TNFRSF21: variants seen among roughly 807,000 people sequenced by gnomAD.
TNFRSF21 encodes TNF receptor superfamily member 21.
TNFRSF21 carries 19 observed loss-of-function variants against 45.6 expected under a neutral mutation model. The observed-to-expected ratio is 0.42, with a 90% CI of 0.29 to 0.61. The LOEUF (loss-of-function observed/expected upper bound fraction) is 0.61. Ranked by LOEUF, TNFRSF21 falls within the 20% of genes least tolerant of loss-of-function variation. TNFRSF21 has a pLI of 0.23. For missense variants in TNFRSF21, 737 were observed against 851.5 expected (o/e 0.87, Z 1.67); for synonymous variants, 314 against 335.5 (o/e 0.94, Z 0.70).
chr6:47,276,835 C>T (rs572876567), intron 3 of TNFRSF21, among the ~76,000 whole-genome samples: 1 of 152,340 alleles, frequency 6.6e-6, no homozygotes, highest in Non-Finnish European at 1.5e-5. Flanking sequence ...GCTTGATGAT[C>T]TCAGAGGCTC....
At chr6:47,254,080 C>T (rs113774972) in intron 3 of TNFRSF21, among the ~76,000 whole-genome samples, 55 of 152,112 alleles carry the variant, frequency 3.6e-4, no homozygotes, top group African/African-American at 1.3e-3. Flanking sequence ...ACTTTATGGC[C>T]GCTGGCATAT....
chr6:47,282,698 C>G (rs953138111), intron 3 of TNFRSF21, among the ~76,000 whole-genome samples: 3 of 152,186 alleles, frequency 2.0e-5, no homozygotes, highest in Admixed American at 6.5e-5. Context: ...GTCTTATTCT[C>G]AAGTTTAATG....
intron 4 of TNFRSF21, among the ~76,000 whole-genome samples, chr6:47,245,740 T>C (rs1764815676): frequency 6.6e-6 from 1 of 152,236 alleles, no homozygotes. Context: ...AATATATCTG[T>C]ATTAGTCAGT....
At position 47,309,546 on chromosome 6, in the gene TNFRSF21, G is replaced by A. The variant is rs1427001112; in HGVS notation, c.-35C>T. The stretch of plus-strand genomic sequence containing the variant: ...GGGGACTCGCAGGGGCGCCCGGGGC[G>A]CGCGGGGCAGCTGGAATCGGCGGCT... On this transcript the variant is annotated 5_prime_UTR_variant, in exon 1 of 6. Transcript: ENST00000296861. The A allele has an allele frequency of 2.2e-5, 31 of 1,402,142 alleles. No homozygotes were observed. Among genetic ancestry groups the A allele is most frequent in the South Asian group, 3.2e-5 (2 of 62,968 alleles). The allele number at this position is 1,402,142 out of a possible 1,614,324, so 86.9% of individuals were successfully genotyped here. A position where few individuals can be genotyped will look rare whatever the true frequency, so the allele number is the denominator to read the frequency against.
intron 1 of TNFRSF21, among the ~76,000 whole-genome samples, chr6:47,301,154 G>GTAA (rs1252240190): frequency 6.6e-6 from 1 of 152,230 alleles, no homozygotes; most frequent in Non-Finnish European, 1.5e-5. Flanking sequence ...GTACTGAGAT[G>GTAA]TAATGCTAGC....
rs191547435 is a variant in TNFRSF21, at chr6:47,250,603, T to G, written c.1509+2653A>C. 6.6e-5 allele frequency among the ~76,000 whole-genome samples: 10 copies of G among 152,314 alleles called. No individual in the cohort carries two copies. In the East Asian group the frequency reaches 1.9e-3, roughly 29 times the overall value. On this transcript the variant is annotated intron_variant, in intron 4 of 5. Coordinates refer to ENST00000296861, the MANE Select transcript of TNFRSF21 (RefSeq NM_014452.5). ...TCAGGCTTATGAAGAGAAAAAACAT[T>G]GACCATTGAAAAAAAATAGTCATTT...
At chr6:47,258,948 C>G (rs1450904354) in intron 3 of TNFRSF21, among the ~76,000 whole-genome samples, 1 of 152,162 alleles carries the variant, frequency 6.6e-6, no homozygotes, top group Non-Finnish European at 1.5e-5. Flanking sequence ...TAAAACTCGA[C>G]TTACAAAAAA....
intron 4 of TNFRSF21, among the ~76,000 whole-genome samples, chr6:47,243,749 G>A (rs773427405): frequency 2.7e-4 from 41 of 151,904 alleles, no homozygotes; most frequent in African/African-American, 9.2e-4. Context: ...GCCTTTTTTC[G>A]TTTAACCCTT....
chr6:47,293,871 T>C lies in TNFRSF21; in HGVS notation c.97-7276A>G, dbSNP rs561914929. ...TCACAAGATCCCCTCATTCCCATTT[T>C]TTCCCCCAGTATGGCTACCACAATA... On this transcript the variant is annotated intron_variant, in intron 1 of 5. Transcript: ENST00000296861. Among the ~76,000 whole-genome samples the C allele has an allele frequency of 1.4e-4, 22 of 152,332 alleles. No individual in the cohort carries two copies. The East Asian group carries it at 3.9e-3, about 27-fold the overall frequency.
chr6:47,249,016 G>T (rs191279019), intron 4 of TNFRSF21, among the ~76,000 whole-genome samples: 1 of 152,236 alleles, frequency 6.6e-6, no homozygotes, highest in Admixed American at 6.5e-5. Flanking sequence ...ATTTACTCAG[G>T]GTCCCTAAAA....
At chr6:47,281,497 T>C (rs942304692) in intron 3 of TNFRSF21, among the ~76,000 whole-genome samples, 17 of 152,014 alleles carry the variant, frequency 1.1e-4, no homozygotes, top group Admixed American at 1.1e-3. Context: ...TCTCCTGCCC[T>C]AGCCTCCCGA....
intron 3 of TNFRSF21, among the ~76,000 whole-genome samples, chr6:47,261,770 G>A (rs1582329962): frequency 6.6e-6 from 1 of 152,220 alleles, no homozygotes; most frequent in Non-Finnish European, 1.5e-5. Context: ...CTTCTGCTGG[G>A]ATCAGCTGTC....
chr6:47,270,823 T>C (rs1189760392), intron 3 of TNFRSF21, among the ~76,000 whole-genome samples: 1 of 152,126 alleles, frequency 6.6e-6, no homozygotes, highest in East Asian at 1.9e-4. Flanking sequence ...AGACCTTAAA[T>C]GACCTGATGG....
At chr6:47,280,143 TG>T (rs1762547956) in intron 3 of TNFRSF21, among the ~76,000 whole-genome samples, 1 of 152,320 alleles carries the variant, frequency 6.6e-6, no homozygotes, top group South Asian at 2.1e-4. Context: ...AGGATGTATA[TG>T]GCATCCAGGA....
rs961691427 is a variant in TNFRSF21 at position 47,234,913 on chromosome 6, AT to A, written c.1510-16del. ...TCAGTTTCCAGCTGTAGGAGGGAAA[AT>A]TTTTTTTTATTATATATAGAAAAAA... is the stretch of plus-strand genomic sequence containing the variant. On this transcript the variant is annotated splice_polypyrimidine_tract_variant and intron_variant, in intron 4 of 5. Coordinates refer to ENST00000296861, the MANE Select transcript of TNFRSF21 (RefSeq NM_014452.5). 1.2e-4 allele frequency: 151 copies of A among 1,298,824 alleles called. No homozygotes were observed. The highest frequency in any genetic ancestry group is 5.7e-4 in the Middle Eastern group (2 of 3,534). 80.5% of individuals were successfully genotyped at this position (1,298,824 alleles called of 1,614,324 possible). A position where few individuals can be genotyped will look rare whatever the true frequency, so the allele number is the denominator to read the frequency against.
intron 1 of TNFRSF21, among the ~76,000 whole-genome samples, chr6:47,289,962 C>G (rs1025011289): frequency 6.6e-6 from 1 of 152,040 alleles, no homozygotes; most frequent in African/African-American, 2.4e-5. Context: ...CCACTTTACT[C>G]CACCCTGGGC....
At chr6:47,276,153 C>T (rs1762494554) in intron 3 of TNFRSF21, among the ~76,000 whole-genome samples, 1 of 152,202 alleles carries the variant, frequency 6.6e-6, no homozygotes, top group South Asian at 2.1e-4. Context: ...AGACCCCCTC[C>T]TCTCTTCTCT....
chr6:47,238,624 T>C (rs1186529914), intron 4 of TNFRSF21, among the ~76,000 whole-genome samples: 1 of 152,240 alleles, frequency 6.6e-6, no homozygotes, highest in Non-Finnish European at 1.5e-5. Flanking sequence ...CAGATACTTA[T>C]TAGTCCAAAC....
chr6:47,237,539 A>C (rs1414332051), intron 4 of TNFRSF21, among the ~76,000 whole-genome samples: 1 of 152,226 alleles, frequency 6.6e-6, no homozygotes, highest in Non-Finnish European at 1.5e-5. Context: ...TAGATACTAA[A>C]GAGAAAACAA....
Sources: allele counts gnomAD v4.1 joint callset (sites outside exome capture counted in the v4.1 genomes callset), GRCh38; gene constraint gnomAD v4.1.1; transcripts MANE v1.5; gene names NCBI Gene and HGNC (gene_info 2026-07-23, HGNC 2026-07-21).